The following LRRC4C variants were observed in gnomAD, a reference collection of about 807,000 sequenced individuals.
The protein encoded by LRRC4C is leucine-rich repeat-containing protein 4C.
A neutral mutation model predicts 33.6 loss-of-function variants in LRRC4C; 5 were observed. That is an observed-to-expected ratio of 0.15 (90% CI 0.08 to 0.31). LRRC4C has a LOEUF of 0.31. Ranked by LOEUF, LRRC4C falls within the 10% of genes least tolerant of loss-of-function variation. The pLI is 1.00. For missense variants in LRRC4C, 560 were observed against 796.7 expected, an observed-to-expected ratio of 0.70 and a Z score of 3.58; for synonymous variants, 329 against 302.0, an observed-to-expected ratio of 1.09 and a Z score of -0.93.
intron 2 of LRRC4C, among the ~76,000 whole-genome samples, chr11:40,702,121 G>C (rs1945890957): frequency 6.6e-6 from 1 of 151,912 alleles, no homozygotes; most frequent in African/African-American, 2.4e-5. Flanking sequence ...TCACAAAAGG[G>C]AGAATATTAT....
intron 3 of LRRC4C, among the ~76,000 whole-genome samples, chr11:40,621,601 G>T (rs1377088911): frequency 2.0e-5 from 3 of 151,748 alleles, no homozygotes; most frequent in African/African-American, 7.3e-5. Flanking sequence ...TTCCACAGGT[G>T]AGGTAATGAT....
intron 1 of LRRC4C, among the ~76,000 whole-genome samples, chr11:41,095,767 T>C (rs1285122649): frequency 2.0e-5 from 3 of 152,188 alleles, no homozygotes; most frequent in African/African-American, 7.2e-5. Context: ...TCACTGCAGG[T>C]GAAGACATAT....
At chr11:40,779,474 T>A (rs1203803854) in intron 2 of LRRC4C, among the ~76,000 whole-genome samples, 1 of 152,156 alleles carries the variant, frequency 6.6e-6, no homozygotes, top group Non-Finnish European at 1.5e-5. Context: ...AAACAAAAAA[T>A]TAATGTAAAA....
intron 3 of LRRC4C, among the ~76,000 whole-genome samples, chr11:40,478,538 C>T (rs558941927): frequency 6.6e-6 from 1 of 151,942 alleles, no homozygotes; most frequent in Non-Finnish European, 1.5e-5. Flanking sequence ...GTTTATTTTC[C>T]CATTCTGGTT....
At chr11:40,666,331 G>A (rs1004526153) in intron 2 of LRRC4C, among the ~76,000 whole-genome samples, 34 of 152,068 alleles carry the variant, frequency 2.2e-4, no homozygotes, top group Admixed American at 1.9e-3. Context: ...AATATGCATG[G>A]TGAGGGTATA....
At chr11:40,676,998 A>G (rs935346719) in intron 2 of LRRC4C, among the ~76,000 whole-genome samples, 7 of 152,338 alleles carry the variant, frequency 4.6e-5, no homozygotes, top group African/African-American at 1.4e-4. Context: ...CCTGCCCAGC[A>G]GATATGATCA....
rs1958826969 is a variant in LRRC4C, at chr11:40,953,743, G to A, written c.-495-20020C>T. 2.0e-5 allele frequency among the ~76,000 whole-genome samples: 3 copies of A among 151,860 alleles called. No individual in the cohort carries two copies. The South Asian group carries it at 6.2e-4, about 31-fold the overall frequency. Reference sequence around the variant, plus strand: ...GAAGGGTAGCGAAGGTTCAGGTGAAGAAAACAGCCTTTAAGCCTTCTTGGC... The same window carrying A: ...GAAGGGTAGCGAAGGTTCAGGTGAAAAAAACAGCCTTTAAGCCTTCTTGGC... On this transcript the variant is annotated intron_variant, in intron 1 of 6. Transcript: ENST00000528697.
chr11:41,361,784 A>C (rs1952364185), intron 1 of LRRC4C, among the ~76,000 whole-genome samples: 1 of 152,198 alleles, frequency 6.6e-6, no homozygotes, highest in Admixed American at 6.5e-5. Context: ...AGTGACTCTT[A>C]AATGTAGTTC....
rs116505640 is a variant in LRRC4C at position 41,073,198 on chromosome 11, T to C, written c.-495-139475A>G. Among the ~76,000 whole-genome samples the C allele has an allele frequency of 8.0e-3, 1,225 of 152,210 alleles. 20 individuals are homozygous for C. The highest frequency in any genetic ancestry group is 0.028 in the African/African-American group (1,178 of 41,532). On this transcript the variant is annotated intron_variant, in intron 1 of 6. Transcript: ENST00000528697. ...CAGTTCATTTGGTTCAGAGTTATGGTGGCTGGAAGGTTCAAGATTGTGTAT... is the reference window on the plus strand; with the variant it reads ...CAGTTCATTTGGTTCAGAGTTATGGCGGCTGGAAGGTTCAAGATTGTGTAT...
chr11:40,285,102 T>A (rs1012779165), intron 4 of LRRC4C, among the ~76,000 whole-genome samples: 1 of 152,144 alleles, frequency 6.6e-6, no homozygotes, highest in African/African-American at 2.4e-5. Context: ...ACTGAAAATA[T>A]AACATGTATT....
At chr11:41,095,966 T>A (rs1028191234) in intron 1 of LRRC4C, among the ~76,000 whole-genome samples, 1 of 152,192 alleles carries the variant, frequency 6.6e-6, no homozygotes, top group Non-Finnish European at 1.5e-5. Flanking sequence ...TAAGCATAGT[T>A]ATTCACTCAA....
At chr11:41,184,292 T>C (rs902687758) in intron 1 of LRRC4C, among the ~76,000 whole-genome samples, 1 of 152,026 alleles carries the variant, frequency 6.6e-6, no homozygotes, top group African/African-American at 2.4e-5. Context: ...GGGTGCAAAT[T>C]TTTCAAACCT....
At chr11:40,536,728 C>G (rs1956490596) in intron 3 of LRRC4C, among the ~76,000 whole-genome samples, 2 of 151,948 alleles carry the variant, frequency 1.3e-5, no homozygotes, top group Non-Finnish European at 2.9e-5. Flanking sequence ...GGCTTATTTG[C>G]TTTTCTCCTT....
intron 3 of LRRC4C, among the ~76,000 whole-genome samples, chr11:40,400,890 C>T (rs554682936): frequency 1.8e-4 from 27 of 152,194 alleles, no homozygotes; most frequent in South Asian, 6.2e-4. Context: ...ACTATATTGG[C>T]CCAGATTTCT....
intron 2 of LRRC4C, among the ~76,000 whole-genome samples, chr11:40,757,185 A>G (rs1293287761): frequency 2.0e-5 from 3 of 152,008 alleles, no homozygotes; most frequent in Non-Finnish European, 2.9e-5. Flanking sequence ...TGGATATTTT[A>G]CAGTGAATGG....
intron 1 of LRRC4C, among the ~76,000 whole-genome samples, chr11:41,420,328 C>T (rs1471465578): frequency 6.6e-6 from 1 of 151,936 alleles, no homozygotes. Context: ...AGATGTTGAA[C>T]TCGGTATCCA....
chr11:40,273,807 G>A (rs576670476), intron 4 of LRRC4C, among the ~76,000 whole-genome samples: 1 of 152,116 alleles, frequency 6.6e-6, no homozygotes, highest in Non-Finnish European at 1.5e-5. Context: ...ATGATTATTG[G>A]AAACAGAAAT....
intron 2 of LRRC4C, among the ~76,000 whole-genome samples, chr11:40,722,669 G>C (rs547323038): frequency 6.6e-6 from 1 of 152,322 alleles, no homozygotes; most frequent in East Asian, 1.9e-4. Context: ...GAAGGGCTCA[G>C]TGCAAGAACT....
intron 4 of LRRC4C, among the ~76,000 whole-genome samples, chr11:40,246,500 CAT>C (rs1447624156): frequency 6.6e-6 from 1 of 152,136 alleles, no homozygotes; most frequent in Non-Finnish European, 1.5e-5. Flanking sequence ...ATGATAGATT[CAT>C]TCTTCTAACT....
Sources: allele counts gnomAD v4.1 joint callset (sites outside exome capture counted in the v4.1 genomes callset), GRCh38; gene constraint gnomAD v4.1.1; transcripts MANE v1.5; gene names NCBI Gene and HGNC (gene_info 2026-07-23, HGNC 2026-07-21).